IFTAP: variants seen among roughly 807,000 people sequenced by gnomAD.
The protein encoded by IFTAP is intraflagellar transport associated protein, also known as intraflagellar transport-associated protein.
Under a neutral mutation model 19.4 loss-of-function variants are expected in IFTAP, and 19 were observed. The ratio of observed to expected loss-of-function variants is 0.98; its 90% CI spans 0.68 to 1.44. IFTAP has a LOEUF of 1.44. Ranked by LOEUF, IFTAP falls within the 40% of genes most tolerant of loss-of-function variation. The probability of loss-of-function intolerance (pLI) is 0.00; values close to 1 mark genes in which losing one functional copy is unlikely to be tolerated. For synonymous variants in IFTAP, 85 were observed against 83.5 expected (o/e 1.02, Z -0.10); for missense variants, 240 against 253.6 (o/e 0.95, Z 0.36).
intron 2 of IFTAP, among the ~76,000 whole-genome samples, chr11:36,619,328 A>G (rs1375095817): frequency 6.6e-6 from 1 of 152,070 alleles, no homozygotes; most frequent in Non-Finnish European, 1.5e-5. Context: ...TTGACGTATC[A>G]TCTTGGTCCC....
intron 4 of IFTAP, among the ~76,000 whole-genome samples, chr11:36,646,236 A>G (rs1302303530): frequency 1.3e-5 from 2 of 152,156 alleles, no homozygotes; most frequent in Non-Finnish European, 2.9e-5. Context: ...TGAAAGCAGA[A>G]TTGATTTTGA....
intron 4 of IFTAP, among the ~76,000 whole-genome samples, chr11:36,647,795 C>T (rs1052129481): frequency 2.6e-5 from 4 of 152,000 alleles, no homozygotes; most frequent in Non-Finnish European, 4.4e-5. Flanking sequence ...GGGACTCTTA[C>T]GTTTGCAACG....
intron 2 of IFTAP, among the ~76,000 whole-genome samples, chr11:36,626,370 A>AC (rs1292635329): frequency 6.6e-6 from 1 of 151,222 alleles, no homozygotes; most frequent in Admixed American, 6.6e-5. Flanking sequence ...ATTTTAAGGG[A>AC]CTAGATTATA....
At chr11:36,635,863 T>G (rs114938564) in intron 3 of IFTAP, among the ~76,000 whole-genome samples, 188 bp from the exon 4 acceptor site, 1 of 152,204 alleles carries the variant, frequency 6.6e-6, no homozygotes, top group Non-Finnish European at 1.5e-5. Context: ...TCAAATTTAC[T>G]GCTTCTTTCA....
At chr11:36,637,342 T>C (rs1852994034) in intron 4 of IFTAP, among the ~76,000 whole-genome samples, 1 of 152,230 alleles carries the variant, frequency 6.6e-6, no homozygotes, top group African/African-American at 2.4e-5. Context: ...GCAGATTCTT[T>C]ACTTATTTGG....
intron 2 of IFTAP, among the ~76,000 whole-genome samples, chr11:36,632,476 A>G (rs1223923172): frequency 6.6e-6 from 1 of 151,086 alleles, no homozygotes; most frequent in Non-Finnish European, 1.5e-5. Context: ...TCTTTTATCA[A>G]AATTATTTCA....
At chr11:36,642,846 T>A (rs1286592288) in intron 4 of IFTAP, among the ~76,000 whole-genome samples, 2 of 152,190 alleles carry the variant, frequency 1.3e-5, no homozygotes, top group Non-Finnish European at 2.9e-5. Flanking sequence ...TAGGTATTGA[T>A]GGGACATATC....
At chr11:36,638,983 C>T (rs1297618103) in intron 4 of IFTAP, among the ~76,000 whole-genome samples, 1 of 152,148 alleles carries the variant, frequency 6.6e-6, no homozygotes, top group Non-Finnish European at 1.5e-5. Flanking sequence ...TAGCGTCTGC[C>T]ACAGAGTTTG....
intron 2 of IFTAP, among the ~76,000 whole-genome samples, chr11:36,629,853 GA>G (rs979737334): frequency 2.0e-5 from 3 of 151,172 alleles, no homozygotes; most frequent in Admixed American, 1.3e-4. Flanking sequence ...AAAACCTTTA[GA>G]AAAAAACTTT....
At chr11:36,601,663 A>AT (rs370921363) in intron 1 of IFTAP, among the ~76,000 whole-genome samples, 17 of 151,786 alleles carry the variant, frequency 1.1e-4, no homozygotes, top group African/African-American at 3.6e-4. Context: ...TTATTTATTG[A>AT]TTTTTTTGGA....
At chr11:36,607,765 C>G (rs1851746465) in intron 1 of IFTAP, among the ~76,000 whole-genome samples, 1 of 152,050 alleles carries the variant, frequency 6.6e-6, no homozygotes, top group Non-Finnish European at 1.5e-5. Context: ...CCTCTGCCTC[C>G]CAGGTTCAAG....
intron 2 of IFTAP, among the ~76,000 whole-genome samples, chr11:36,627,400 G>A (rs915161534): frequency 4.0e-5 from 6 of 151,254 alleles, no homozygotes; most frequent in African/African-American, 1.5e-4. Flanking sequence ...TAGATACTTA[G>A]ATCCTCCCTG....
At chr11:36,599,334 A>G (rs2133344351) in intron 1 of IFTAP, among the ~76,000 whole-genome samples, 1 of 152,276 alleles carries the variant, frequency 6.6e-6, no homozygotes, top group South Asian at 2.1e-4. Context: ...ATGCAACCTA[A>G]TTTACCTAAC....
At chr11:36,634,539 C>A (rs1420259766) in intron 3 of IFTAP, among the ~76,000 whole-genome samples, 1 of 152,068 alleles carries the variant, frequency 6.6e-6, no homozygotes, top group African/African-American at 2.4e-5. Flanking sequence ...ATCTGAAGGG[C>A]TACAAGATCA....
chr11:36,636,947 C>T (rs1349035607), intron 4 of IFTAP, among the ~76,000 whole-genome samples: 3 of 145,112 alleles, frequency 2.1e-5, no homozygotes, highest in Non-Finnish European at 4.5e-5. Context: ...TTTTTAAACA[C>T]TCATTCCTGA....
At chr11:36,624,165 G>A (rs925754819) in intron 2 of IFTAP, among the ~76,000 whole-genome samples, 2 of 151,826 alleles carry the variant, frequency 1.3e-5, no homozygotes, top group African/African-American at 4.8e-5. Flanking sequence ...TTTGTTCATA[G>A]TACAAAAATT....
At position 36,648,161 on chromosome 11, in the gene IFTAP, C is replaced by T. The variant is rs2133515661; in HGVS notation, c.498+6C>T. The T allele has an allele frequency of 6.2e-7, 1 of 1,611,598 alleles. No individual in the cohort carries two copies. The highest frequency in any genetic ancestry group is 2.2e-5 in the East Asian group (1 of 44,778). ...TGGACAAACAGACGGAAGAGGTACT[C>T]CACAGGGAATTCAGTCATTCTCCAC... On this transcript the variant is annotated splice_donor_region_variant and intron_variant, in intron 5 of 5. Coordinates refer to ENST00000334307, the MANE Select transcript of IFTAP (RefSeq NM_138787.4).
chr11:36,650,856 T>C (rs1208874736), intron 5 of IFTAP, among the ~76,000 whole-genome samples: 1 of 152,204 alleles, frequency 6.6e-6, no homozygotes, highest in Non-Finnish European at 1.5e-5. Flanking sequence ...GTTTCCAGCT[T>C]CATCCATGTC....
At chr11:36,635,760 G>A (rs1027853573) in intron 3 of IFTAP, among the ~76,000 whole-genome samples, 1 of 152,154 alleles carries the variant, frequency 6.6e-6, no homozygotes, top group Non-Finnish European at 1.5e-5. Context: ...GATAGAATCT[G>A]GAACAAAGTC....
Sources: gnomAD v4.1 joint callset for allele counts (sites outside exome capture counted in the v4.1 genomes callset) on GRCh38, gnomAD v4.1.1 for gene constraint, MANE v1.5 for transcripts, NCBI Gene and HGNC (gene_info 2026-07-23, HGNC 2026-07-21) for gene names.